The following GLYATL2 variants were observed in gnomAD, a reference collection of about 807,000 sequenced individuals.
GLYATL2 encodes the protein glycine-N-acyltransferase like 2, also known as glycine N-acyltransferase-like protein 2.
In GLYATL2, 25 loss-of-function variants were observed where a neutral mutation model predicts 21.4. The observed-to-expected ratio is 1.17, with a 90% confidence interval of 0.85 to 1.63. The LOEUF (loss-of-function observed/expected upper bound fraction) is 1.63, where lower values mean the gene tolerates loss of function less well. GLYATL2 is among the 40% of genes most tolerant of loss of function. GLYATL2 has a pLI of 0.00. For synonymous variants in GLYATL2, 114 were observed against 118.2 expected, an observed-to-expected ratio of 0.96 and a Z score of 0.23; for missense variants, 361 against 343.3, an observed-to-expected ratio of 1.05 and a Z score of -0.41.
upstream of GLYATL2, among the ~76,000 whole-genome samples, chr11:58,847,295 C>T (rs1853660780): frequency 6.6e-6 from 1 of 152,194 alleles, no homozygotes. Flanking sequence ...GGGCAAGATT[C>T]CTTCTGCTTC....
At chr11:58,880,179 G>C (rs2134611035) in intron 1 of GLYATL2, among the ~76,000 whole-genome samples, 1 of 152,258 alleles carries the variant, frequency 6.6e-6, no homozygotes, top group African/African-American at 2.4e-5. Flanking sequence ...AAAGAGTATG[G>C]GGAGGGGTCT....
At chr11:58,852,096 C>G (rs1489512569) in intron 1 of GLYATL2, among the ~76,000 whole-genome samples, 3 of 152,182 alleles carry the variant, frequency 2.0e-5, no homozygotes, top group Non-Finnish European at 4.4e-5. Flanking sequence ...TTAAAGTCTT[C>G]ATTAAGATAT....
chr11:58,873,979 A>G (rs1007381308), intron 1 of GLYATL2, among the ~76,000 whole-genome samples: 3 of 152,178 alleles, frequency 2.0e-5, no homozygotes, highest in Non-Finnish European at 4.4e-5. Context: ...TTATTGGTCT[A>G]TTGAGAGATT....
chr11:58,907,372 G>A (rs1565115120), upstream of GLYATL2: 1 of 456,124 alleles, frequency 2.2e-6, no homozygotes. Context: ...ATCCCTCACG[G>A]TAGTCTGCTG....
In GLYATL2 at chr11:58,836,493, C is replaced by A. The variant is rs370551067; in HGVS notation, c.476+522G>T. On this transcript the variant is annotated intron_variant, in intron 5 of 5. Transcript: ENST00000287275. ...CTCAACAATTTTAATTCTAGTAATT[C>A]ATCTTTCAGATATATTTACACAACT... is the stretch of plus-strand genomic sequence containing the variant. Among the ~76,000 whole-genome samples the A allele has an allele frequency of 3.3e-5, 5 of 152,088 alleles. No homozygotes were observed. The East Asian group carries it at 5.8e-4, about 18-fold the overall frequency.
chr11:58,867,833 A>C lies in GLYATL2; in HGVS notation n.61-29465T>G, dbSNP rs969124446. ...AACCACAGACTAGATATATCAGAGA[A>C]GTGGACTTGGAGAATCCCCTGCTGG... On this transcript the variant is annotated intron_variant and non_coding_transcript_variant, in intron 1 of 4. Coordinates refer to the GLYATL2 transcript ENST00000533636. Among the ~76,000 whole-genome samples, 4 of 148,914 alleles carry C rather than the reference A, an allele frequency of 2.7e-5. No individual in the cohort carries two copies. The Admixed American group carries it at 2.8e-4, about 10-fold the overall frequency.
intron 1 of GLYATL2, among the ~76,000 whole-genome samples, chr11:58,899,512 C>T (rs1027243097): frequency 6.6e-6 from 1 of 151,814 alleles, no homozygotes; most frequent in African/African-American, 2.4e-5. Flanking sequence ...GGAGAAAGAA[C>T]AACAAATAAA....
At chr11:58,867,929 G>A (rs1457016912) in intron 1 of GLYATL2, among the ~76,000 whole-genome samples, 1 of 148,880 alleles carries the variant, frequency 6.7e-6, no homozygotes, top group South Asian at 2.1e-4. Flanking sequence ...CCTAGTTCCA[G>A]CCTTACCCCA....
Position 58,837,354 on chromosome 11 carries a change from A to T in GLYATL2, c.230T>A (p.Ile77Asn), listed in dbSNP as rs761288882. The change falls in exon 4 of 6, where the codon ATC (isoleucine) becomes AAC (asparagine). Residue 77 changes from isoleucine (I) to asparagine (N), a missense_variant. Physicochemically the swap from Ile to Asn is moderately radical, Grantham distance 149. Transcript: ENST00000287275. ...DQDHYTNTYH[I>N]FTKAPDKLEE... ...TAATTTGTCAGGAGCTTTGGTGAAG[A>T]TGTGGTAAGTGTTGGTATAATGATC... 5 of 1,613,692 alleles carry T rather than the reference A, an allele frequency of 3.1e-6. No individual in the cohort carries two copies. Among genetic ancestry groups the T allele is most frequent in the Non-Finnish European group, 3.4e-6 (4 of 1,179,602 alleles).
intron 1 of GLYATL2, among the ~76,000 whole-genome samples, chr11:58,894,903 G>T (rs867207494): frequency 1.3e-5 from 2 of 152,122 alleles, no homozygotes; most frequent in Non-Finnish European, 2.9e-5. Flanking sequence ...AAATAAACTC[G>T]GGAACTTGGG....
At chr11:58,839,685 A>ATCATATCTCTCTAGGTATTTTT in intron 1 of GLYATL2, 33 bp from the exon 2 acceptor site, 1 of 1,058,248 alleles carries the variant, frequency 9.4e-7, no homozygotes, top group Non-Finnish European at 1.4e-6. Flanking sequence ...AAAAATACCT[A>ATCATATCTCTCTAGGTATTTTT]GAGAGATATG....
chr11:58,846,436 A>G (rs781597821), upstream of GLYATL2, among the ~76,000 whole-genome samples: 5 of 152,214 alleles, frequency 3.3e-5, no homozygotes, highest in Non-Finnish European at 5.9e-5. Flanking sequence ...CTGAAGAGAC[A>G]GTAAAAAACA....
intron 1 of GLYATL2, among the ~76,000 whole-genome samples, chr11:58,899,255 C>T (rs1194982805): frequency 6.6e-6 from 1 of 151,962 alleles, no homozygotes; most frequent in Non-Finnish European, 1.5e-5. Context: ...TCCCTCCACT[C>T]CCACCCCCAC....
chr11:58,862,888 A>G lies in GLYATL2; in HGVS notation n.61-24520T>C, dbSNP rs534333737. On this transcript the variant is annotated intron_variant and non_coding_transcript_variant, in intron 1 of 4. Coordinates refer to the GLYATL2 transcript ENST00000533636. ...ATAGTTCTTGATATTTAGGCTGTGC[A>G]TTGGTGTCTGCACATTTGAAAAACA... Among the ~76,000 whole-genome samples, 39 of 152,050 alleles carry G rather than the reference A, an allele frequency of 2.6e-4. 1 individual carries two copies. Among genetic ancestry groups the G allele is most frequent in the Admixed American group, 1.9e-3 (29 of 15,274 alleles).
At chr11:58,863,450 C>A (rs1853967693) in intron 1 of GLYATL2, among the ~76,000 whole-genome samples, 2 of 152,116 alleles carry the variant, frequency 1.3e-5, no homozygotes, top group South Asian at 2.1e-4. Flanking sequence ...GGTCCTAGAG[C>A]CTTCATCCAT....
At chr11:58,855,049 A>G (rs512832) in intron 1 of GLYATL2, among the ~76,000 whole-genome samples, 135,051 of 152,220 alleles carry the variant, frequency 0.89, 61,072 homozygotes, top group Non-Finnish European at 0.98. Flanking sequence ...GTTATCTGCA[A>G]GGATTGGAAT....
At chr11:58,881,693 T>C (rs542468747) in intron 1 of GLYATL2, among the ~76,000 whole-genome samples, 2 of 152,312 alleles carry the variant, frequency 1.3e-5, no homozygotes, top group South Asian at 4.1e-4. Context: ...ACCCATTAAC[T>C]CATCATTTAC....
intron 1 of GLYATL2, among the ~76,000 whole-genome samples, chr11:58,872,868 C>T (rs1854151423): frequency 6.6e-6 from 1 of 152,150 alleles, no homozygotes; most frequent in South Asian, 2.1e-4. Flanking sequence ...CTATAAATTA[C>T]CTTGGGCAGT....
In GLYATL2 at chr11:58,838,277, GTAATGACGA is replaced by G. The variant is rs759247571; in HGVS notation, c.161_169del (p.Ile54_Ile56del). Reference sequence around the variant, plus strand: ...TGCTCCTACCTGTTTCTGAGGCCGGGTAATGACGATCTGGTAATCTGGCCAGGCATCTAC... The same window carrying G: ...TGCTCCTACCTGTTTCTGAGGCCGGGTCTGGTAATCTGGCCAGGCATCTAC... On this transcript the variant is annotated inframe_deletion, in exon 3 of 6. Transcript: ENST00000287275. 3.1e-6 allele frequency: 5 copies of G among 1,611,352 alleles called. No homozygotes were observed. In the African/African-American group the frequency reaches 6.7e-5, roughly 22 times the overall value.
Sources: allele counts gnomAD v4.1 joint callset (sites outside exome capture counted in the v4.1 genomes callset), GRCh38; gene constraint gnomAD v4.1.1; transcripts MANE v1.5; gene names NCBI Gene and HGNC (gene_info 2026-07-23, HGNC 2026-07-21).